LRRK1: variants seen among roughly 807,000 people sequenced by gnomAD.
The protein encoded by LRRK1 is leucine-rich repeat serine/threonine-protein kinase 1.
In LRRK1, 113 loss-of-function variants were observed where a neutral mutation model predicts 209.1. The ratio of observed to expected loss-of-function variants is 0.54; its 90% CI spans 0.46 to 0.63. The LOEUF is 0.63. Ranked by LOEUF, LRRK1 falls within the 30% of genes least tolerant of loss-of-function variation. The pLI is 0.00. For synonymous variants in LRRK1, 1,144 were observed against 1,099.7 expected, an observed-to-expected ratio of 1.04 and a Z score of -0.80; for missense variants, 2,284 against 2,632.2, an observed-to-expected ratio of 0.87 and a Z score of 2.89.
intron 2 of LRRK1, among the ~76,000 whole-genome samples, chr15:100,936,423 T>C (rs962422805): frequency 6.6e-5 from 10 of 152,228 alleles, no homozygotes; most frequent in Non-Finnish European, 1.0e-4. Flanking sequence ...GCGCAGGGGT[T>C]GGCATGAACT....
Position 101,012,129 on chromosome 15 carries a change from G to A in LRRK1, c.1403G>A (p.Gly468Glu). The A allele has an allele frequency of 6.2e-7, 1 of 1,607,844 alleles. No homozygotes were observed. Among genetic ancestry groups the A allele is most frequent in the Non-Finnish European group, 8.5e-7 (1 of 1,178,478 alleles). ...AACGCACTCAAAGAAGTTCCCCTGG[G>A]ACTTTTCCAGCTTGATGTAAGCCTA... ...SENALKEVPL[G>E]LFQLDALMFL... is the part of the protein sequence containing the mutation. Residue 468 changes from glycine to glutamate, a missense_variant, in exon 10 of 34, where the codon GGA (glycine) becomes GAA (glutamate). By Grantham distance (98) the Gly-to-Glu change is moderately conservative. Around this residue, in one of 6 missense-constraint regions of LRRK1, gnomAD observed 494 missense variants for 522.1 expected, o/e 0.95. Transcript: ENST00000388948.
At chr15:100,963,381 T>C (rs2030213024) in intron 2 of LRRK1, among the ~76,000 whole-genome samples, 2 of 152,240 alleles carry the variant, frequency 1.3e-5, no homozygotes, top group Admixed American at 1.3e-4. Flanking sequence ...CTCCGGCTGC[T>C]CGTTGCCAGC....
At chr15:100,970,942 A>T (rs2030829580) in intron 2 of LRRK1, among the ~76,000 whole-genome samples, 1 of 152,186 alleles carries the variant, frequency 6.6e-6, no homozygotes, top group African/African-American at 2.4e-5. Flanking sequence ...TACTATCATA[A>T]ACTATTTTTT....
At chr15:100,956,398 C>T (rs12908470) in intron 2 of LRRK1, among the ~76,000 whole-genome samples, 17,965 of 86,546 alleles carry the variant, frequency 0.21, 1,349 homozygotes, top group African/African-American at 0.29. Flanking sequence ...GTCTAGCTAA[C>T]GATTTGTCAA....
At chr15:101,062,387 C>T (rs2085478662) in intron 30 of LRRK1, 187 bp from the exon 31 acceptor site, 1 of 554,754 alleles carries the variant, frequency 1.8e-6, no homozygotes, top group Non-Finnish European at 3.2e-6. Flanking sequence ...TTAGACTAGT[C>T]TGTCTTTTTC....
chr15:101,003,295 T>C (rs1248692837), intron 6 of LRRK1, among the ~76,000 whole-genome samples: 1 of 152,190 alleles, frequency 6.6e-6, no homozygotes, highest in East Asian at 1.9e-4. Context: ...CTTGAGTTTA[T>C]CAGATGTCAG....
intron 2 of LRRK1, among the ~76,000 whole-genome samples, chr15:100,930,841 T>C (rs899399487): frequency 6.6e-6 from 1 of 152,248 alleles, no homozygotes; most frequent in Non-Finnish European, 1.5e-5. Context: ...TGAAATTCTT[T>C]AGTTCTCTGG....
At chr15:100,944,318 T>C (rs1301072262) in intron 2 of LRRK1, among the ~76,000 whole-genome samples, 3 of 152,138 alleles carry the variant, frequency 2.0e-5, no homozygotes, top group Admixed American at 6.5e-5. Context: ...TTGATCTAAC[T>C]CAGCTATGCA....
In LRRK1 at chr15:101,024,029, T is replaced by C. The variant is rs532228790; in HGVS notation, c.2068-774T>C. On this transcript the variant is annotated intron_variant, in intron 15 of 33. Transcript: ENST00000388948. The surrounding 1 kb of genome is among the most constrained non-coding windows in gnomAD (Gnocchi z 4.6). ...GGTGAATTCGTGCTTCTATTTTTCC[T>C]GACCTTCACCCCCACTTCCTTTCTG... Among the ~76,000 whole-genome samples, 1 of 152,208 alleles carries C rather than the reference T, an allele frequency of 6.6e-6. No homozygotes were observed. Among genetic ancestry groups the C allele is most frequent in the Non-Finnish European group, 1.5e-5 (1 of 68,026 alleles).
At chr15:101,053,556 C>T in intron 26 of LRRK1, 136 bp downstream of exon 26, 7 of 757,420 alleles carry the variant, frequency 9.2e-6, no homozygotes, top group Non-Finnish European at 1.5e-5. Context: ...GTGTGACCAT[C>T]CCCTGGCTGC....
At chr15:100,921,547 CTAACT>C (rs66503510) in intron 1 of LRRK1, among the ~76,000 whole-genome samples, 49,679 of 151,918 alleles carry the variant, frequency 0.33, 10,011 homozygotes, top group African/African-American at 0.57. Context: ...CTTCTAACTT[CTAACT>C]GATATCGACA....
chr15:100,989,052 T>C (rs2032023185), intron 5 of LRRK1, among the ~76,000 whole-genome samples, 198 bp from the exon 6 acceptor site: 2 of 152,258 alleles, frequency 1.3e-5, no homozygotes, highest in African/African-American at 4.8e-5. Context: ...GGGACTGTTG[T>C]ACGAGGCACT....
At position 101,070,307 on chromosome 15, in the gene LRRK1, TC is replaced by T. The variant is rs1467462192; in HGVS notation, c.*1460del. The stretch of plus-strand genomic sequence containing the variant: ...GCTTGGAAAAAGCGAGTCCCCCCAC[TC>T]TTTTTTTTTTTTTTTTTTTTTTTTT... On this transcript the variant is annotated 3_prime_UTR_variant, in exon 34 of 34. Coordinates refer to ENST00000388948, the MANE Select transcript of LRRK1 (RefSeq NM_024652.6). 2.8e-5 allele frequency: 3 copies of T among 106,882 alleles called. No homozygotes were observed. The highest frequency in any genetic ancestry group is 3.3e-4 in the South Asian group (1 of 3,030). The allele number at this position is 106,882 out of a possible 1,614,324, so 6.6% of individuals were successfully genotyped here. A position where few individuals can be genotyped will look rare whatever the true frequency, so the allele number is the denominator to read the frequency against.
Position 101,021,124 on chromosome 15 carries a change from G to A in LRRK1, c.1681G>A (p.Asp561Asn), listed in dbSNP as rs761695009. ...EVLCLNDNHL[D>N]TVPPSVCLLK... ...CCTTTGCCTGAACGACAACCACCTCGACACAGTCCCTCCCTCGGTTTGCCT... is the reference window on the plus strand; with the variant it reads ...CCTTTGCCTGAACGACAACCACCTCAACACAGTCCCTCCCTCGGTTTGCCT... The change falls in exon 13 of 34, where the codon GAC (aspartate) becomes AAC (asparagine). Residue 561 changes from aspartate to asparagine, a missense_variant. Asp to Asn is a conservative substitution (Grantham distance 23). This residue lies in a region of LRRK1 where 494 missense variants were observed against 522.1 expected (regional missense o/e 0.95). Coordinates refer to ENST00000388948, the MANE Select transcript of LRRK1 (RefSeq NM_024652.6). 1.7e-5 allele frequency: 28 copies of A among 1,614,086 alleles called. No homozygotes were observed. Among genetic ancestry groups the A allele is most frequent in the Middle Eastern group, 1.6e-4 (1 of 6,062 alleles).
rs752524474 is a variant in LRRK1 at position 101,065,842 on chromosome 15, C to G, written c.5405C>G (p.Thr1802Arg). The G allele has an allele frequency of 6.2e-7, 1 of 1,614,104 alleles. No homozygotes were observed. Among genetic ancestry groups the G allele is most frequent in the Non-Finnish European group, 8.5e-7 (1 of 1,180,030 alleles). The change falls in exon 32 of 34, where the codon ACG becomes AGG. Residue 1802 changes from threonine (T) to arginine (R), a missense_variant. Transcript: ENST00000388948. The stretch of plus-strand genomic sequence containing the variant: ...ACGGAACCCCCGGCAGCCAGCCACA[C>G]GGCCAACCCAAAGGTGCCTGAGGGG... ...LDTEPPAASHTANPKVPEGDS... is the reference protein window; with the variant it reads ...LDTEPPAASHRANPKVPEGDS...
intron 12 of LRRK1, among the ~76,000 whole-genome samples, chr15:101,019,194 C>T (rs1395047060): frequency 6.6e-6 from 1 of 152,162 alleles, no homozygotes; most frequent in Non-Finnish European, 1.5e-5. Flanking sequence ...CTCATTATTC[C>T]AGCCATCTCT....
At chr15:101,059,425 A>C (rs1295254343) in intron 29 of LRRK1, among the ~76,000 whole-genome samples, 1 of 150,630 alleles carries the variant, frequency 6.6e-6, no homozygotes, top group Non-Finnish European at 1.5e-5. Context: ...ATTCCAAAAC[A>C]CAGCGATGGA....
chr15:101,007,302 A>G (rs2033006493), intron 6 of LRRK1, among the ~76,000 whole-genome samples: 1 of 152,180 alleles, frequency 6.6e-6, no homozygotes, highest in Non-Finnish European at 1.5e-5. Context: ...ATTTTCCAAT[A>G]CGGATTTCCA....
chr15:101,054,834 AT>A, intron 26 of LRRK1, 111 bp from the exon 27 acceptor site: 1 of 986,420 alleles, frequency 1.0e-6, no homozygotes, highest in East Asian at 2.7e-5. Flanking sequence ...AAGAAAAAAA[AT>A]CATAAAGTAT....
Sources: gnomAD v4.1 joint callset for allele counts (sites outside exome capture counted in the v4.1 genomes callset) on GRCh38, gnomAD v4.1.1 for gene constraint, gnomAD v4.1.1 regional missense constraint, Gnocchi (gnomAD v3.1) non-coding constraint, MANE v1.5 for transcripts, NCBI Gene and HGNC (gene_info 2026-07-23, HGNC 2026-07-21) for gene names.